Variants in BLMH observed in about 807,000 individuals in gnomAD.
BLMH encodes the protein BLM hydrolase.
BLMH carries 32 observed loss-of-function variants against 61.6 expected under a neutral mutation model. That is an observed-to-expected ratio of 0.52 (90% CI 0.39 to 0.70). The LOEUF (loss-of-function observed/expected upper bound fraction) is 0.70. Among genes scored for constraint, BLMH ranks in the 30% least tolerant of loss-of-function variants. BLMH has a pLI of 0.00. For synonymous variants in BLMH, 183 were observed against 193.8 expected (o/e 0.94, Z 0.46); for missense variants, 460 against 555.5 (o/e 0.83, Z 1.73).
intron 11 of BLMH, among the ~76,000 whole-genome samples, chr17:30,265,413 C>A (rs1226399395): frequency 2.0e-5 from 3 of 152,186 alleles, no homozygotes; most frequent in African/African-American, 7.2e-5. Context: ...CATATCCAAA[C>A]CTCCACACCC....
intron 10 of BLMH, among the ~76,000 whole-genome samples, chr17:30,270,785 A>C (rs1205528352): frequency 6.6e-6 from 1 of 152,238 alleles, no homozygotes; most frequent in Non-Finnish European, 1.5e-5. Context: ...CAGGAAATTC[A>C]AAATACTTTA....
At chr17:30,257,804 T>C (rs1286801435) in intron 11 of BLMH, among the ~76,000 whole-genome samples, 1 of 152,144 alleles carries the variant, frequency 6.6e-6, no homozygotes, top group African/African-American at 2.4e-5. Flanking sequence ...ATCTTTCTCA[T>C]AGGGCTCAGC....
intron 6 of BLMH, 126 bp from the exon 7 acceptor site, chr17:30,274,323 C>T: frequency 1.8e-6 from 2 of 1,111,716 alleles, no homozygotes; most frequent in Non-Finnish European, 2.5e-6. Flanking sequence ...AAAAATTTCA[C>T]AAGAAATCTA....
intron 11 of BLMH, among the ~76,000 whole-genome samples, chr17:30,255,711 G>A (rs1878948185): frequency 6.6e-6 from 1 of 152,098 alleles, no homozygotes; most frequent in South Asian, 2.1e-4. Flanking sequence ...AGCCTGGCCA[G>A]CATGGTAAAA....
chr17:30,275,412 G>C (rs1908391740), intron 6 of BLMH, among the ~76,000 whole-genome samples: 1 of 152,152 alleles, frequency 6.6e-6, no homozygotes, highest in East Asian at 1.9e-4. Context: ...TGTAATCCCA[G>C]CACTTTGGGA....
At chr17:30,260,392 C>G (rs893580849) in intron 11 of BLMH, among the ~76,000 whole-genome samples, 1 of 152,182 alleles carries the variant, frequency 6.6e-6, no homozygotes, top group Non-Finnish European at 1.5e-5. Context: ...AAGCAGATGC[C>G]TCATTGCAGG....
intron 6 of BLMH, among the ~76,000 whole-genome samples, chr17:30,275,529 C>CA (rs1395583389): frequency 6.6e-6 from 1 of 150,944 alleles, no homozygotes; most frequent in Non-Finnish European, 1.5e-5. Flanking sequence ...CAAAACAAAA[C>CA]AAAAAAACTA....
At chr17:30,264,251 G>A (rs1908039428) in intron 11 of BLMH, among the ~76,000 whole-genome samples, 2 of 152,144 alleles carry the variant, frequency 1.3e-5, no homozygotes, top group Non-Finnish European at 2.9e-5. Context: ...ATGCTTTGCT[G>A]TGTATAGTCA....
chr17:30,250,100 T>C (rs1448010221), intron 11 of BLMH: 1 of 152,218 alleles, frequency 6.6e-6, no homozygotes, highest in Non-Finnish European at 1.5e-5. Context: ...GGTCAAAGGC[T>C]GAAAGCTAAA....
At chr17:30,251,718 C>T (rs147586966) in intron 11 of BLMH, among the ~76,000 whole-genome samples, 14 of 152,270 alleles carry the variant, frequency 9.2e-5, no homozygotes, top group African/African-American at 3.1e-4. Context: ...ACCAAGAGAA[C>T]GGAGAAGTAG....
chr17:30,273,131 G>C (rs895155809), intron 7 of BLMH: 2 of 421,864 alleles, frequency 4.7e-6, no homozygotes, highest in Non-Finnish European at 8.3e-6. Flanking sequence ...GCATCTACCT[G>C]TTTTTCCTAC....
intron 11 of BLMH, among the ~76,000 whole-genome samples, chr17:30,260,013 G>T (rs746109284): frequency 6.6e-6 from 1 of 152,158 alleles, no homozygotes; most frequent in Admixed American, 6.5e-5. Context: ...TTCTCTTGCC[G>T]TCAGTCTATA....
chr17:30,284,319 A>G (rs1197801070), intron 6 of BLMH, among the ~76,000 whole-genome samples: 1 of 152,226 alleles, frequency 6.6e-6, no homozygotes, highest in African/African-American at 2.4e-5. Flanking sequence ...CCAGGATATA[A>G]AGTAATGAGA....
At chr17:30,254,256 A>G (rs1456973135) in intron 11 of BLMH, among the ~76,000 whole-genome samples, 1 of 152,218 alleles carries the variant, frequency 6.6e-6, no homozygotes, top group South Asian at 2.1e-4. Context: ...TGACAAAATG[A>G]AGGTATCTGT....
At chr17:30,265,943 C>T (rs1299987979) in intron 11 of BLMH, among the ~76,000 whole-genome samples, 1 of 152,084 alleles carries the variant, frequency 6.6e-6, no homozygotes, top group Non-Finnish European at 1.5e-5. Context: ...CAACAGTGAT[C>T]TCTAGGTGGT....
Position 30,272,804 on chromosome 17 carries a change from T to C in BLMH, c.897A>G (p.Leu299=), listed in dbSNP as rs770684633. ...GGAAGTCAATGGGCTGGTTGTTGTA[T>C]AGAGTTTTTCTCCCTCCAACCATAT... ...LSNMVGGRKT[L]YNNQPIDFLK... The change falls in exon 8 of 12, where the codon CTA becomes CTG. Residue 299 remains leucine, a synonymous_variant. Transcript: ENST00000261714. The C allele has an allele frequency of 4.3e-6, 7 of 1,614,194 alleles. No homozygotes were observed. Among genetic ancestry groups the C allele is most frequent in the South Asian group, 1.1e-5 (1 of 91,082 alleles).
intron 2 of BLMH, among the ~76,000 whole-genome samples, chr17:30,290,472 T>TA (rs1171538909): frequency 6.6e-6 from 1 of 152,168 alleles, no homozygotes; most frequent in Non-Finnish European, 1.5e-5. Context: ...CCTTAACATT[T>TA]AAAAAATCAA....
intron 11 of BLMH, among the ~76,000 whole-genome samples, chr17:30,258,734 A>G (rs1180080855): frequency 6.6e-6 from 1 of 152,178 alleles, no homozygotes; most frequent in Non-Finnish European, 1.5e-5. Flanking sequence ...CCCGGAGAGG[A>G]AAGCACAAAT....
chr17:30,253,377 C>T (rs75076615), intron 11 of BLMH, among the ~76,000 whole-genome samples: 1,542 of 152,282 alleles, frequency 0.01, 22 homozygotes, highest in Middle Eastern at 0.051. Context: ...AGAGGACCCG[C>T]CTTGATTAGT....
Sources: gnomAD v4.1 joint callset for allele counts (sites outside exome capture counted in the v4.1 genomes callset) on GRCh38, gnomAD v4.1.1 for gene constraint, MANE v1.5 for transcripts, NCBI Gene and HGNC (gene_info 2026-07-23, HGNC 2026-07-21) for gene names.